ATP8A1: variants seen among roughly 807,000 people sequenced by gnomAD.
ATP8A1 encodes ATPase phospholipid transporting 8A1.
ATP8A1 carries 90 observed loss-of-function variants against 177.7 expected under a neutral mutation model. The ratio of observed to expected loss-of-function variants is 0.51; its 90% CI spans 0.43 to 0.60. ATP8A1 has a LOEUF of 0.60. Among genes scored for constraint, ATP8A1 ranks in the 20% least tolerant of loss-of-function variants. The probability of loss-of-function intolerance (pLI) is 0.00; values close to 1 mark genes in which losing one functional copy is unlikely to be tolerated. For synonymous variants in ATP8A1, 493 were observed against 485.9 expected (o/e 1.01, Z -0.19); for missense variants, 1,072 against 1,392.8 (o/e 0.77, Z 3.67).
rs373462784 is a variant in ATP8A1 at position 42,653,664 on chromosome 4, C to G, written c.49+3161G>C. 1.4e-4 allele frequency among the ~76,000 whole-genome samples: 21 copies of G among 152,306 alleles called. No individual in the cohort carries two copies. The East Asian group carries it at 1.7e-3, about 13-fold the overall frequency. On this transcript the variant is annotated intron_variant, in intron 1 of 36. Transcript: ENST00000381668. Reference sequence around the variant, plus strand: ...GTCCCTCCCTTATAACGATGTGGCCCCCAACTGGCCCTGTTAGATATTATA... The same window carrying G: ...GTCCCTCCCTTATAACGATGTGGCCGCCAACTGGCCCTGTTAGATATTATA...
intron 9 of ATP8A1, among the ~76,000 whole-genome samples, chr4:42,582,791 T>C (rs1733231392): frequency 6.6e-6 from 1 of 152,142 alleles, no homozygotes; most frequent in Non-Finnish European, 1.5e-5. Flanking sequence ...TCCCAGTTGG[T>C]ATTTTTGTGG....
At position 42,596,666 on chromosome 4, in the gene ATP8A1, C is replaced by CAAAA. The variant is rs71648737; in HGVS notation, c.450+3808_450+3811dup. The stretch of plus-strand genomic sequence containing the variant: ...TGGGCAACAGAGCGAGACTCCATCT[C>CAAAA]AAAAAAAAAAAAAAAAAAGAAAAGA... On this transcript the variant is annotated intron_variant, in intron 6 of 36. Coordinates refer to ENST00000381668, the MANE Select transcript of ATP8A1 (RefSeq NM_006095.2). 8.1e-5 allele frequency among the ~76,000 whole-genome samples: 6 copies of CAAAA among 74,008 alleles called. 1 individual carries two copies. Among genetic ancestry groups the CAAAA allele is most frequent in the East Asian group, 6.8e-4 (2 of 2,928 alleles). The allele number at this position is 74,008 out of a possible 152,430, so 48.6% of individuals were successfully genotyped here. A position where few individuals can be genotyped will look rare whatever the true frequency, so the allele number is the denominator to read the frequency against.
Position 42,489,760 on chromosome 4 carries a change from T to C in ATP8A1, c.2152-4092A>G, listed in dbSNP as rs544750346. Among the ~76,000 whole-genome samples the C allele has an allele frequency of 2.6e-4, 39 of 152,296 alleles. 1 individual carries two copies. Among genetic ancestry groups the C allele is most frequent in the African/African-American group, 9.1e-4 (38 of 41,572 alleles). On this transcript the variant is annotated intron_variant, in intron 24 of 36. Coordinates refer to ENST00000381668, the MANE Select transcript of ATP8A1 (RefSeq NM_006095.2). ...AGCCATACTTTATGGCTGCATTGCA[T>C]TGAAGCTTATCTCCTGTAGCTAAGG...
intron 5 of ATP8A1, among the ~76,000 whole-genome samples, chr4:42,607,082 G>T (rs904437587): frequency 6.6e-6 from 1 of 152,102 alleles, no homozygotes; most frequent in Admixed American, 6.5e-5. Context: ...ATAGAGTAAC[G>T]CTTCTTTGAA....
At chr4:42,637,178 T>C (rs748923410) in intron 1 of ATP8A1, 8 of 518,878 alleles carry the variant, frequency 1.5e-5, no homozygotes, top group Non-Finnish European at 2.7e-5. Flanking sequence ...CAACATGGAA[T>C]GATGACCTGG....
intron 33 of ATP8A1, among the ~76,000 whole-genome samples, chr4:42,425,389 C>T (rs2153168592): frequency 6.6e-6 from 1 of 152,230 alleles, no homozygotes; most frequent in African/African-American, 2.4e-5. Flanking sequence ...TTCAGTCTAC[C>T]AGCCTTTGGC....
intron 22 of ATP8A1, among the ~76,000 whole-genome samples, chr4:42,514,274 G>A (rs141560112): frequency 2.0e-5 from 3 of 152,298 alleles, no homozygotes; most frequent in African/African-American, 7.2e-5. Flanking sequence ...ATCAGGATGT[G>A]AGAGGTGATT....
chr4:42,456,926 G>A (rs896055374), intron 27 of ATP8A1, among the ~76,000 whole-genome samples: 2 of 152,114 alleles, frequency 1.3e-5, no homozygotes, highest in African/African-American at 4.8e-5. Context: ...CTATGAACAG[G>A]TTCTGTAGCC....
At chr4:42,596,917 C>A (rs567040430) in intron 6 of ATP8A1, among the ~76,000 whole-genome samples, 45 of 152,260 alleles carry the variant, frequency 3.0e-4, no homozygotes, top group African/African-American at 9.4e-4. Flanking sequence ...AGCAATGAAG[C>A]CAGCAGCTTA....
In ATP8A1 at chr4:42,564,892, AGGAGGGACCTGGTG is replaced by A. The variant is rs528448844; in HGVS notation, c.1340+4255_1340+4268del. Among the ~76,000 whole-genome samples the A allele has an allele frequency of 7.6e-3, 1,161 of 152,268 alleles. 10 individuals carry two copies. The highest frequency in any genetic ancestry group is 0.026 in the African/African-American group (1,091 of 41,548). ...CTCACCTTGAATTCCCACGTGTTAT[AGGAGGGACCTGGTG>A]GGAGGTAATTGAATCATGGGGACAG... On this transcript the variant is annotated intron_variant, in intron 15 of 36. Coordinates refer to ENST00000381668, the MANE Select transcript of ATP8A1 (RefSeq NM_006095.2).
intron 6 of ATP8A1, among the ~76,000 whole-genome samples, chr4:42,598,343 C>T (rs555345147): frequency 2.5e-4 from 38 of 152,124 alleles, no homozygotes; most frequent in African/African-American, 8.2e-4. Context: ...TATTTCAGGG[C>T]ACTATATTTT....
intron 9 of ATP8A1, among the ~76,000 whole-genome samples, chr4:42,585,707 T>C (rs1733549124): frequency 1.3e-5 from 2 of 151,972 alleles, no homozygotes; most frequent in South Asian, 4.2e-4. Context: ...TTTATCTGCT[T>C]TGTTCACTGT....
At chr4:42,522,686 C>T (rs1211447190) in intron 21 of ATP8A1, among the ~76,000 whole-genome samples, 1 of 152,156 alleles carries the variant, frequency 6.6e-6, no homozygotes, top group South Asian at 2.1e-4. Flanking sequence ...CCATTCACTT[C>T]CCACATAGGG....
At position 42,452,097 on chromosome 4, in the gene ATP8A1, T is replaced by A. The variant is rs753777698; in HGVS notation, c.2818-38A>T. 2.8e-6 allele frequency: 4 copies of A among 1,441,472 alleles called. No homozygotes were observed. In the Admixed American group the frequency reaches 5.1e-5, roughly 19 times the overall value. 89.3% of individuals were successfully genotyped at this position (1,441,472 alleles called of 1,614,324 possible). On this transcript the variant is annotated intron_variant, in intron 29 of 36. Transcript: ENST00000381668. ...AAAAATCCATGAGAACCATTTGCGA[T>A]AAACTAGCTCTGTGAACTCTGACCT...
intron 33 of ATP8A1, among the ~76,000 whole-genome samples, chr4:42,434,497 TTA>T (rs980139851): frequency 6.6e-6 from 1 of 152,188 alleles, no homozygotes; most frequent in African/African-American, 2.4e-5. Context: ...AAAACAGCTG[TTA>T]TATGGCTTAC....
chr4:42,615,108 G>A (rs1181573886), intron 5 of ATP8A1, among the ~76,000 whole-genome samples: 4 of 152,106 alleles, frequency 2.6e-5, no homozygotes, highest in African/African-American at 9.7e-5. Context: ...TTTATAAGTT[G>A]TAAGTTGAAA....
intron 32 of ATP8A1, 84 bp from the exon 33 acceptor site, chr4:42,443,756 A>G (rs1032118712): frequency 1.5e-6 from 1 of 676,438 alleles, no homozygotes; most frequent in Non-Finnish European, 2.7e-6. Context: ...AAATTCCCTT[A>G]TTAACTTTTT....
chr4:42,467,446 C>A (rs1414541186), intron 25 of ATP8A1, among the ~76,000 whole-genome samples: 1 of 152,164 alleles, frequency 6.6e-6, no homozygotes, highest in Non-Finnish European at 1.5e-5. Context: ...GTAATTCCAG[C>A]ACTTTGGGAG....
At position 42,586,408 on chromosome 4, in the gene ATP8A1, A is replaced by C; in HGVS notation, c.663T>G (p.Cys221Trp). The C allele has an allele frequency of 1.9e-6, 3 of 1,614,090 alleles. No homozygotes were observed. The highest frequency in any genetic ancestry group is 2.5e-6 in the Non-Finnish European group (3 of 1,179,940). Residue 221 changes from cysteine (C) to tryptophan (W), a missense_variant, in exon 9 of 37, where the codon TGT (cysteine) becomes TGG (tryptophan). Coordinates refer to ENST00000381668, the MANE Select transcript of ATP8A1 (RefSeq NM_006095.2). ...SLMRISGRIE[C>W]ESPNRHLYDF... is the part of the protein sequence containing the mutation. ...CGTAGAGATGTCTGTTTGGACTTTC[A>C]CACTCAATTCTGCCAGAAATCCTCA... is the stretch of plus-strand genomic sequence containing the variant.
Sources: gnomAD v4.1 joint callset for allele counts (sites outside exome capture counted in the v4.1 genomes callset) on GRCh38, gnomAD v4.1.1 for gene constraint, MANE v1.5 for transcripts, NCBI Gene and HGNC (gene_info 2026-07-23, HGNC 2026-07-21) for gene names.